CLEC12A: variants seen among roughly 807,000 people sequenced by gnomAD.
CLEC12A encodes the protein C-type lectin domain family 12 member A.
In CLEC12A, 22 loss-of-function variants were observed where a neutral mutation model predicts 26.5. The ratio of observed to expected loss-of-function variants is 0.83; its 90% CI spans 0.59 to 1.19. The LOEUF (loss-of-function observed/expected upper bound fraction) is 1.19, where lower values mean the gene tolerates loss of function less well. Ranked by LOEUF, CLEC12A falls within the 50% of genes most tolerant of loss-of-function variation. The pLI, the probability that CLEC12A is intolerant of heterozygous loss-of-function variation, is 0.00. For missense variants in CLEC12A, 353 were observed against 315.6 expected, an observed-to-expected ratio of 1.12 and a Z score of -0.90; for synonymous variants, 119 against 101.9, an observed-to-expected ratio of 1.17 and a Z score of -1.01.
chr12:9,992,792 C>T (rs1188663532), intron 4 of CLEC12A: 1 of 174,334 alleles, frequency 5.7e-6, no homozygotes, highest in South Asian at 1.8e-4. Context: ...AGATATTTTG[C>T]ACAACTTATA....
chr12:9,996,644 G>A (rs1865054985), downstream of CLEC12A: 5 of 686,228 alleles, frequency 7.3e-6, no homozygotes, highest in East Asian at 2.8e-5. Context: ...CAATTTGACT[G>A]ATCAACTCTA....
upstream of CLEC12A, among the ~76,000 whole-genome samples, chr12:9,970,876 A>G (rs1864101071): frequency 6.6e-6 from 1 of 152,212 alleles, no homozygotes; most frequent in Non-Finnish European, 1.5e-5. Context: ...AATGGCAAAA[A>G]CCACAATTAC....
At chr12:9,967,664 G>T (rs1863994696), upstream of CLEC12A, among the ~76,000 whole-genome samples, 1 of 151,890 alleles carries the variant, frequency 6.6e-6, no homozygotes, top group African/African-American at 2.4e-5. Context: ...TAAGGGTGAA[G>T]GAGAAGGGGT....
chr12:9,967,880 C>T (rs541411703), upstream of CLEC12A, among the ~76,000 whole-genome samples: 1 of 152,162 alleles, frequency 6.6e-6, no homozygotes, highest in African/African-American at 2.4e-5. Context: ...ACCTCTGAAA[C>T]ATGGGTGAAT....
At chr12:9,955,172 T>C (rs1290088891) in intron 1 of CLEC12A, among the ~76,000 whole-genome samples, 1 of 152,182 alleles carries the variant, frequency 6.6e-6, no homozygotes, top group Non-Finnish European at 1.5e-5. Context: ...CTGCAAGCTC[T>C]GCCTCCCGGG....
At chr12:9,974,605 T>C (rs1238197189) in intron 1 of CLEC12A, among the ~76,000 whole-genome samples, 1 of 152,194 alleles carries the variant, frequency 6.6e-6, no homozygotes, top group African/African-American at 2.4e-5. Flanking sequence ...AATATATATT[T>C]AAATACAATT....
At chr12:9,954,879 A>C (rs1863717336) in intron 1 of CLEC12A, among the ~76,000 whole-genome samples, 1 of 152,190 alleles carries the variant, frequency 6.6e-6, no homozygotes, top group Non-Finnish European at 1.5e-5. Flanking sequence ...TTGTCAGCAT[A>C]CTTTTTTTGT....
the CLEC12A span, among the ~76,000 whole-genome samples, chr12:10,002,664 G>T: frequency 6.6e-6 from 1 of 151,876 alleles, no homozygotes; most frequent in Non-Finnish European, 1.5e-5. Flanking sequence ...GGATGATCTC[G>T]ATCTCCTGAC....
chr12:9,976,697 T>C (rs184735977), intron 1 of CLEC12A, among the ~76,000 whole-genome samples: 1 of 152,156 alleles, frequency 6.6e-6, no homozygotes, highest in Admixed American at 6.5e-5. Context: ...GACATGAGAT[T>C]TGGGAGAGGT....
the CLEC12A span, among the ~76,000 whole-genome samples, chr12:10,003,140 A>G: frequency 1.3e-5 from 2 of 152,132 alleles, no homozygotes; most frequent in Non-Finnish European, 2.9e-5. Context: ...TTTTAAACTA[A>G]AGCTGTTTGC....
At chr12:10,002,342 G>A in the CLEC12A span, among the ~76,000 whole-genome samples, 1 of 149,832 alleles carries the variant, frequency 6.7e-6, no homozygotes, top group African/African-American at 2.5e-5. Context: ...TTGGTGCTGA[G>A]TATTCATGGA....
chr12:9,993,395 G>GC, intron 4 of CLEC12A: 5 of 588,794 alleles, frequency 8.5e-6, no homozygotes, highest in Non-Finnish European at 1.3e-5. Flanking sequence ...GAGGAAAATA[G>GC]GAAAAAAAAA....
rs145774692 is a variant in CLEC12A, at chr12:9,965,042, G to A, written c.11-6535G>A. Among the ~76,000 whole-genome samples, 941 of 152,270 alleles carry A rather than the reference G, an allele frequency of 6.2e-3. 14 individuals carry two copies. Among genetic ancestry groups the A allele is most frequent in the African/African-American group, 0.021 (859 of 41,536 alleles). ...GAGCCAGGGAGCAGAAAGTGTATGCGTCAGGTGGGAGAAAGAAAATAGATT... is the reference window on the plus strand; with the variant it reads ...GAGCCAGGGAGCAGAAAGTGTATGCATCAGGTGGGAGAAAGAAAATAGATT... On this transcript the variant is annotated intron_variant, in intron 1 of 6. Coordinates refer to the CLEC12A transcript ENST00000355690.
intron 1 of CLEC12A, among the ~76,000 whole-genome samples, chr12:9,976,864 G>A (rs998467895): frequency 6.6e-6 from 1 of 152,172 alleles, no homozygotes; most frequent in Admixed American, 6.5e-5. Flanking sequence ...TAGTGAATAA[G>A]TGTCATGAGA....
chr12:9,962,569 A>G (rs1182085652), intron 1 of CLEC12A, among the ~76,000 whole-genome samples: 1 of 152,104 alleles, frequency 6.6e-6, no homozygotes, highest in Non-Finnish European at 1.5e-5. Flanking sequence ...GAGCTGTTTT[A>G]TAAGATTTGG....
chr12:9,989,270 G>A (rs1023774375), downstream of CLEC12A, among the ~76,000 whole-genome samples: 7 of 151,644 alleles, frequency 4.6e-5, no homozygotes, highest in South Asian at 2.1e-4. Context: ...GTTAAATGAC[G>A]AGTTAATGGG....
At chr12:9,979,676 T>C in intron 3 of CLEC12A, 152 bp downstream of exon 3, 2 of 619,230 alleles carry the variant, frequency 3.2e-6, no homozygotes, top group Non-Finnish European at 5.3e-6. Context: ...AATTCATTGA[T>C]ATTTCCACGC....
the CLEC12A span, among the ~76,000 whole-genome samples, chr12:10,004,451 A>C: frequency 0.062 from 9,452 of 152,036 alleles, 972 homozygotes; most frequent in African/African-American, 0.22. Flanking sequence ...CTTCCTCTGG[A>C]GTTTGGCCAT....
At chr12:9,998,399 G>C, downstream of CLEC12A, 1 of 1,585,886 alleles carries the variant, frequency 6.3e-7, no homozygotes, top group Non-Finnish European at 8.7e-7. Context: ...ATATAATAAA[G>C]ACATCAAGGA....
Sources: allele counts gnomAD v4.1 joint callset (sites outside exome capture counted in the v4.1 genomes callset), GRCh38; gene constraint gnomAD v4.1.1; transcripts MANE v1.5; gene names NCBI Gene and HGNC (gene_info 2026-07-23, HGNC 2026-07-21).